The following CMA1 variants were observed in gnomAD, a reference collection of about 807,000 sequenced individuals.
The protein encoded by CMA1 is chymase 1.
In CMA1, 24 loss-of-function variants were observed where a neutral mutation model predicts 18.8. The observed-to-expected ratio is 1.28, with a 90% CI of 0.92 to 1.80. The LOEUF is 1.80. Ranked by LOEUF, CMA1 falls within the 40% of genes most tolerant of loss-of-function variation. The pLI, the probability that CMA1 is intolerant of heterozygous loss-of-function variation, is 0.00. For missense variants in CMA1, 421 were observed against 302.8 expected (o/e 1.39, Z -2.90); for synonymous variants, 152 against 117.0 (o/e 1.30, Z -1.93).
Position 24,505,450 on chromosome 14 carries a change from G to C in CMA1, c.*66C>G. On this transcript the variant is annotated 3_prime_UTR_variant, in exon 5 of 5. Coordinates refer to ENST00000250378, the MANE Select transcript of CMA1 (RefSeq NM_001836.5). ...AGGGACCAAGGGTAGACCAGAATGA[G>C]TGGCACACACTTTGCTGCTCAGGTC... The C allele has an allele frequency of 6.2e-7, 1 of 1,604,670 alleles. No individual in the cohort carries two copies. Among genetic ancestry groups the C allele is most frequent in the Non-Finnish European group, 8.5e-7 (1 of 1,172,284 alleles).
At chr14:24,508,092 T>C (rs776616655) in intron 1 of CMA1, 86 bp downstream of exon 1, 6 of 1,302,814 alleles carry the variant, frequency 4.6e-6, no homozygotes, top group Admixed American at 3.7e-5. Flanking sequence ...TGGAACCCTG[T>C]TTAGGAGTCA....
In CMA1 at chr14:24,508,171, T is replaced by C. The variant is rs1431088144; in HGVS notation, c.58+7A>G. ...CAGATTTCAGAGGGAAGAACCCTGA[T>C]ACTCACCAGCTTCAGCTCTGGAGCA... On this transcript the variant is annotated splice_region_variant and intron_variant, in intron 1 of 4. Coordinates refer to ENST00000250378, the MANE Select transcript of CMA1 (RefSeq NM_001836.5). The C allele has an allele frequency of 3.1e-6, 5 of 1,613,288 alleles. No individual in the cohort carries two copies. The South Asian group carries it at 4.4e-5, about 14-fold the overall frequency.
At position 24,506,259 on chromosome 14, in the gene CMA1, G is replaced by C. The variant is rs2043855280; in HGVS notation, c.369C>G (p.Thr123=). 2.5e-6 allele frequency: 4 copies of C among 1,613,910 alleles called. No individual in the cohort carries two copies. The highest frequency in any genetic ancestry group is 2.5e-6 in the Non-Finnish European group (3 of 1,180,006). The change falls in exon 4 of 5, where the codon ACC becomes ACG. Residue 123 remains threonine (T), a synonymous_variant. Coordinates refer to ENST00000250378, the MANE Select transcript of CMA1 (RefSeq NM_001836.5). ...LLKLKEKASL[T]LAVGTLPFPS... ...GGAAGGGGAGTGTCCCCACAGCCAG[G>C]GTCAGGCTGGCTTTCTCCTTCAACT... is the stretch of plus-strand genomic sequence containing the variant.
In CMA1 at chr14:24,506,152, G is replaced by A. The variant is rs573133074; in HGVS notation, c.476C>T (p.Ser159Leu). The change falls in exon 4 of 5, where the codon TCA (serine) becomes TTA (leucine). Residue 159 changes from serine to leucine, a missense_variant. By Grantham distance (145) the Ser-to-Leu change is moderately radical. Transcript: ENST00000250378. ...CAGCTTCACCTCTTGCAGAGTGTCTGAGCCCGGCTTCAACACACCTGTTCT... is the reference window on the plus strand; with the variant it reads ...CAGCTTCACCTCTTGCAGAGTGTCTAAGCCCGGCTTCAACACACCTGTTCT... ...WGRTGVLKPG[S>L]DTLQEVKLRL... The A allele has an allele frequency of 1.9e-6, 3 of 1,614,168 alleles. No individual in the cohort carries two copies. Among genetic ancestry groups the A allele is most frequent in the Admixed American group, 1.7e-5 (1 of 60,024 alleles).
Position 24,508,184 on chromosome 14 carries a change from C to A in CMA1, c.52G>T (p.Glu18Ter). 6.2e-7 allele frequency: 1 copy of A among 1,613,854 alleles called. No homozygotes were observed. The highest frequency in any genetic ancestry group is 8.5e-7 in the Non-Finnish European group (1 of 1,179,854). ...LLLFLLCSRA[E>*]AGEIIGGTEC... ...GAAGAACCCTGATACTCACCAGCTT[C>A]AGCTCTGGAGCACAAGAGAAAGAGC... The change falls in exon 1 of 5, where the codon GAA becomes TAA. Residue 18 changes from glutamate to a stop codon, truncating the protein, a stop_gained. Transcript: ENST00000250378. LOFTEE classifies it high-confidence loss of function.
chr14:24,508,116 T>C, intron 1 of CMA1, 62 bp downstream of exon 1: 1 of 1,492,168 alleles, frequency 6.7e-7, no homozygotes, highest in East Asian at 2.3e-5. Context: ...ATTTTCAGAC[T>C]AAACATCTTT....
chr14:24,506,995 G>A (rs1359953056), intron 2 of CMA1, among the ~76,000 whole-genome samples: 4 of 152,154 alleles, frequency 2.6e-5, no homozygotes, highest in Non-Finnish European at 5.9e-5. Context: ...ATGGGTTCAG[G>A]ACCCTGAGAA....
chr14:24,506,733 T>C, intron 2 of CMA1, 129 bp from the exon 3 acceptor site: 1 of 1,106,904 alleles, frequency 9.0e-7, no homozygotes, highest in Non-Finnish European at 1.3e-6. Context: ...CATCTCCCTT[T>C]TCATGGGCCA....
chr14:24,506,532 T>C lies in CMA1; in HGVS notation c.282A>G (p.Ile94Met), dbSNP rs779919607. 1.4e-5 allele frequency: 22 copies of C among 1,614,056 alleles called. No homozygotes were observed. Among genetic ancestry groups the C allele is most frequent in the Middle Eastern group, 1.6e-4 (1 of 6,080 alleles). The change falls in exon 3 of 5, where the codon ATA (isoleucine) becomes ATG (methionine). Residue 94 changes from isoleucine to methionine, a missense_variant. Coordinates refer to ENST00000250378, the MANE Select transcript of CMA1 (RefSeq NM_001836.5). ...TATATTTTGGATGACGGAATTGCTT[T>C]ATAACCTCAAGCTTCTGCCATGTGT... ...EEDTWQKLEV[I>M]KQFRHPKYNT...
chr14:24,507,513 C>A lies in CMA1; in HGVS notation c.59-7G>T. 1 of 1,610,882 alleles carries A rather than the reference C, an allele frequency of 6.2e-7. No individual in the cohort carries two copies. Among genetic ancestry groups the A allele is most frequent in the Non-Finnish European group, 8.5e-7 (1 of 1,178,420 alleles). On this transcript the variant is annotated splice_polypyrimidine_tract_variant and splice_region_variant and intron_variant, in intron 1 of 4. Transcript: ENST00000250378. ...GTGCCCCCGATGATCTCCCCTGGAA[C>A]AGAGCACCCCAGGGTTTGAACACGG...
rs374224314 is a variant in CMA1 at position 24,505,659 on chromosome 14, C to T, written c.601G>A (p.Gly201Arg). 3.5e-5 allele frequency: 56 copies of T among 1,605,204 alleles called. No homozygotes were observed. Among genetic ancestry groups the T allele is most frequent in the Non-Finnish European group, 8.5e-6 (10 of 1,176,006 alleles). ...NPRKTKSAFKGDSGGPLLCAG... is the reference protein window; with the variant it reads ...NPRKTKSAFKRDSGGPLLCAG... ...CACAGAAGAGGGCCCCCAGAGTCTC[C>T]CTGTAGGGGGAGGAGAGAGAGAAGA... Residue 201 changes from glycine to arginine, a missense_variant and splice_region_variant, in exon 5 of 5, where the codon GGA (glycine) becomes AGA (arginine). By Grantham distance (125) the Gly-to-Arg change is moderately radical (BLOSUM62 -2). Transcript: ENST00000250378.
At chr14:24,505,970 A>G in intron 4 of CMA1, 58 bp downstream of exon 4, 1 of 1,589,876 alleles carries the variant, frequency 6.3e-7, no homozygotes, top group East Asian at 2.2e-5. Context: ...TCTCCTTCTA[A>G]GAGCATTCTG....
At position 24,507,651 on chromosome 14, in the gene CMA1, A is replaced by T. The variant is rs1594787449; in HGVS notation, c.59-145T>A. ...CCATCTTCCCTCTCCTGTCTCCTGT[A>T]TTTCGTATCTTTCCCCACCCATAAC... On this transcript the variant is annotated intron_variant, in intron 1 of 4. Transcript: ENST00000250378. 5.4e-6 allele frequency: 5 copies of T among 933,462 alleles called. No homozygotes were observed. In the African/African-American group the frequency reaches 6.7e-5, roughly 12 times the overall value. The allele number at this position is 933,462 out of a possible 1,614,324, so 57.8% of individuals were successfully genotyped here.
Position 24,508,202 on chromosome 14 carries a change from G to C in CMA1, c.34C>G (p.Leu12Val), listed in dbSNP as rs754249339. ...CCAGCTTCAGCTCTGGAGCACAAGA[G>C]AAAGAGCAGCAGGGGGAGAGGAAGA... is the stretch of plus-strand genomic sequence containing the variant. ...LLLPLPLLLF[L>V]LCSRAEAGEI... is the part of the protein sequence containing the mutation. The change falls in exon 1 of 5, where the codon CTC (leucine) becomes GTC (valine). Residue 12 changes from leucine (L) to valine (V), a missense_variant. Transcript: ENST00000250378. 6.2e-7 allele frequency: 1 copy of C among 1,613,954 alleles called. No individual in the cohort carries two copies. Among genetic ancestry groups the C allele is most frequent in the Admixed American group, 1.7e-5 (1 of 60,022 alleles).
At chr14:24,507,302 G>A in intron 2 of CMA1, 54 bp downstream of exon 2, 1 of 1,605,342 alleles carries the variant, frequency 6.2e-7, no homozygotes, top group Non-Finnish European at 8.5e-7. Context: ...ATTCCTGGAT[G>A]CTACTCTGGT....
rs777161235 is a variant in CMA1, at chr14:24,505,619, T to C, written c.641A>G (p.Gln214Arg). ...CGACCGTCCATAGGATACGATGCCC[T>C]GGGCCACCCCAGCACACAGAAGAGG... ...GGPLLCAGVA[Q>R]GIVSYGRSDA... The change falls in exon 5 of 5, where the codon CAG becomes CGG. Residue 214 changes from glutamine to arginine, a missense_variant. Physicochemically the swap from Gln to Arg is conservative, Grantham distance 43. Coordinates refer to ENST00000250378, the MANE Select transcript of CMA1 (RefSeq NM_001836.5). The C allele has an allele frequency of 1.2e-6, 2 of 1,613,722 alleles. No individual in the cohort carries two copies.
intron 2 of CMA1, 79 bp downstream of exon 2, chr14:24,507,277 C>A (rs912753471): frequency 2.6e-6 from 4 of 1,542,430 alleles, no homozygotes; most frequent in Non-Finnish European, 3.6e-6. Flanking sequence ...CCTCTTCAGT[C>A]CCCAGTGCAG....
Position 24,506,533 on chromosome 14 carries a change from A to G in CMA1, c.281T>C (p.Ile94Thr). The G allele has an allele frequency of 6.2e-7, 1 of 1,614,212 alleles. No homozygotes were observed. Among genetic ancestry groups the G allele is most frequent in the Non-Finnish European group, 8.5e-7 (1 of 1,180,036 alleles). The change falls in exon 3 of 5, where the codon ATA (isoleucine) becomes ACA (threonine). Residue 94 changes from isoleucine to threonine, a missense_variant. Coordinates refer to ENST00000250378, the MANE Select transcript of CMA1 (RefSeq NM_001836.5). ...ATATTTTGGATGACGGAATTGCTTT[A>G]TAACCTCAAGCTTCTGCCATGTGTC... ...EEDTWQKLEVIKQFRHPKYNT... is the reference protein window; with the variant it reads ...EEDTWQKLEVTKQFRHPKYNT...
At chr14:24,505,707 A>G in intron 4 of CMA1, 48 bp from the exon 5 acceptor site, 20 of 1,551,730 alleles carry the variant, frequency 1.3e-5, no homozygotes, top group East Asian at 2.2e-5. Context: ...GAAGTCCTCC[A>G]CTCCTGTCTG....
Sources: allele counts gnomAD v4.1 joint callset (sites outside exome capture counted in the v4.1 genomes callset), GRCh38; gene constraint gnomAD v4.1.1; transcripts MANE v1.5; gene names NCBI Gene and HGNC (gene_info 2026-07-23, HGNC 2026-07-21).